Variants in STK31 observed in about 807,000 individuals in gnomAD.
STK31 encodes the protein serine/threonine-protein kinase 31.
Under a neutral mutation model 129.7 loss-of-function variants are expected in STK31, and 89 were observed. The ratio of observed to expected loss-of-function variants is 0.69; its 90% CI spans 0.58 to 0.82. The LOEUF (loss-of-function observed/expected upper bound fraction) is 0.82, where lower values mean the gene tolerates loss of function less well. STK31 is among the 40% of genes least tolerant of loss of function. STK31 has a pLI of 0.00. For synonymous variants in STK31, 448 were observed against 395.3 expected, an observed-to-expected ratio of 1.13 and a Z score of -1.58; for missense variants, 1,187 against 1,176.4, an observed-to-expected ratio of 1.01 and a Z score of -0.13.
At chr7:23,767,942 A>G (rs546358428) in intron 11 of STK31, among the ~76,000 whole-genome samples, 2 of 152,146 alleles carry the variant, frequency 1.3e-5, no homozygotes, top group East Asian at 3.9e-4. Context: ...TAAAATTTCT[A>G]GGGTTTGATT....
chr7:23,765,148 G>A (rs1045387713), intron 11 of STK31, among the ~76,000 whole-genome samples: 7 of 151,856 alleles, frequency 4.6e-5, no homozygotes, highest in Admixed American at 2.0e-4. Flanking sequence ...TCTGCCTCCC[G>A]GGTTCAAGCG....
intron 22 of STK31, among the ~76,000 whole-genome samples, chr7:23,792,427 C>G (rs187231896): frequency 6.6e-6 from 1 of 152,142 alleles, no homozygotes; most frequent in Admixed American, 6.5e-5. Flanking sequence ...GAGTTGCACA[C>G]TATTAAAACT....
chr7:23,805,574 G>C (rs780234132), intron 22 of STK31, among the ~76,000 whole-genome samples: 1 of 152,012 alleles, frequency 6.6e-6, no homozygotes, highest in Non-Finnish European at 1.5e-5. Flanking sequence ...GCCTCAATCT[G>C]TTGGGCTCAA....
chr7:23,781,432 A>G lies in STK31; in HGVS notation c.1979A>G (p.Asp660Gly), dbSNP rs1016037174. The G allele has an allele frequency of 1.9e-6, 3 of 1,609,566 alleles. No homozygotes were observed. The highest frequency in any genetic ancestry group is 1.7e-5 in the Admixed American group (1 of 58,878). The stretch of plus-strand genomic sequence containing the variant: ...TTCTGATTCAAGTCAGATGATCCTG[A>G]TGGCTCTCAAATTGAGAAAATAAAA... ...KSNLEESDDP[D>G]GSQIEKIKEE... is the part of the protein sequence containing the mutation. The change falls in exon 16 of 24, where the codon GAT (aspartate) becomes GGT (glycine). Residue 660 changes from aspartate (D) to glycine (G), a missense_variant. Physicochemically the swap from Asp to Gly is moderately conservative, Grantham distance 94 (BLOSUM62 -1). Coordinates refer to ENST00000355870, the MANE Select transcript of STK31 (RefSeq NM_031414.5).
chr7:23,740,831 T>A (rs916614521), intron 8 of STK31, among the ~76,000 whole-genome samples: 3 of 151,784 alleles, frequency 2.0e-5, no homozygotes, highest in Non-Finnish European at 4.4e-5. Flanking sequence ...TAACTCATCA[T>A]TTTTTTTGGC....
chr7:23,734,648 G>A (rs1384871667), intron 6 of STK31, among the ~76,000 whole-genome samples: 1 of 152,114 alleles, frequency 6.6e-6, no homozygotes, highest in Non-Finnish European at 1.5e-5. Context: ...GCCCTCTTAA[G>A]CAAAAGTCTA....
chr7:23,818,209 ACT>A (rs1215098420), intron 23 of STK31, among the ~76,000 whole-genome samples: 1 of 151,538 alleles, frequency 6.6e-6, no homozygotes, highest in Non-Finnish European at 1.5e-5. Context: ...TTCCCCCACA[ACT>A]CTTTTTCTCC....
intron 22 of STK31, among the ~76,000 whole-genome samples, chr7:23,810,622 T>G (rs1793029584): frequency 7.2e-6 from 1 of 138,196 alleles, no homozygotes; most frequent in South Asian, 2.1e-4. Flanking sequence ...ATATATAATA[T>G]ATATAATAGA....
intron 8 of STK31, among the ~76,000 whole-genome samples, chr7:23,751,887 A>G (rs534866350): frequency 1.3e-5 from 2 of 150,372 alleles, no homozygotes; most frequent in South Asian, 2.1e-4. Flanking sequence ...GCATATTTGC[A>G]TATAGTATTT....
intron 22 of STK31, among the ~76,000 whole-genome samples, chr7:23,805,261 A>T (rs1369376912): frequency 6.6e-6 from 1 of 152,086 alleles, no homozygotes; most frequent in Non-Finnish European, 1.5e-5. Context: ...GTTTTAGTAG[A>T]GATGGGGTTT....
chr7:23,830,037 C>T (rs890843900), intron 23 of STK31, among the ~76,000 whole-genome samples: 4 of 152,092 alleles, frequency 2.6e-5, no homozygotes, highest in South Asian at 2.1e-4. Flanking sequence ...GCAAGCTCCG[C>T]CTCCCGGGTT....
At chr7:23,785,981 C>T (rs1418659804) in intron 18 of STK31, among the ~76,000 whole-genome samples, 1 of 151,840 alleles carries the variant, frequency 6.6e-6, no homozygotes, top group African/African-American at 2.4e-5. Context: ...TACCCTAGAA[C>T]TTAAAGTATA....
intron 3 of STK31, among the ~76,000 whole-genome samples, chr7:23,714,859 A>G (rs1332969750): frequency 1.3e-5 from 2 of 152,160 alleles, no homozygotes; most frequent in African/African-American, 4.8e-5. Context: ...CAGCTATTCA[A>G]TTCTGCCAAC....
At chr7:23,816,424 T>C (rs1236940002) in intron 23 of STK31, among the ~76,000 whole-genome samples, 1 of 152,216 alleles carries the variant, frequency 6.6e-6, no homozygotes, top group Admixed American at 6.5e-5. Context: ...TATATTACAG[T>C]TTCGTGAGTC....
At chr7:23,783,801 C>G in intron 17 of STK31, 138 bp downstream of exon 17, 2 of 617,672 alleles carry the variant, frequency 3.2e-6, no homozygotes, top group Middle Eastern at 4.0e-4. Flanking sequence ...GGTATTAGAA[C>G]TTTTTCTTAT....
At chr7:23,791,832 A>C (rs1004868284) in intron 22 of STK31, among the ~76,000 whole-genome samples, 2 of 152,212 alleles carry the variant, frequency 1.3e-5, no homozygotes, top group Non-Finnish European at 2.9e-5. Context: ...GGGGCCAGCA[A>C]GCATTTTCTG....
chr7:23,795,159 G>A (rs945821089), intron 22 of STK31, among the ~76,000 whole-genome samples: 2 of 152,186 alleles, frequency 1.3e-5, no homozygotes, highest in African/African-American at 4.8e-5. Flanking sequence ...AGGCCTAGGA[G>A]GAAAAAATGG....
At chr7:23,808,982 T>TGTGTGTGCGCGCC (rs1230870285) in intron 22 of STK31, among the ~76,000 whole-genome samples, 1 of 149,270 alleles carries the variant, frequency 6.7e-6, no homozygotes, top group South Asian at 2.1e-4. Flanking sequence ...CCTGTGTCTG[T>TGTGTGTGCGCGCC]TGGCATTTCT....
chr7:23,733,233 A>T (rs1787531510), intron 6 of STK31, among the ~76,000 whole-genome samples: 1 of 151,812 alleles, frequency 6.6e-6, no homozygotes. Context: ...AACCTAAAGT[A>T]TTTTCGTGTT....
Sources: gnomAD v4.1 joint callset for allele counts (sites outside exome capture counted in the v4.1 genomes callset) on GRCh38, gnomAD v4.1.1 for gene constraint, MANE v1.5 for transcripts, NCBI Gene and HGNC (gene_info 2026-07-23, HGNC 2026-07-21) for gene names.